The following SETBP1 variants were observed in gnomAD, a reference collection of about 807,000 sequenced individuals.
SETBP1 encodes SET-binding protein.
In SETBP1, 9 loss-of-function variants were observed where a neutral mutation model predicts 101.0. The observed-to-expected ratio is 0.09, with a 90% CI of 0.05 to 0.16. The LOEUF is 0.16. SETBP1 is among the 10% of genes least tolerant of loss of function. SETBP1 has a pLI of 1.00. For missense variants in SETBP1, 1,858 were observed against 2,033.8 expected, an observed-to-expected ratio of 0.91 and a Z score of 1.66; for synonymous variants, 818 against 788.5, an observed-to-expected ratio of 1.04 and a Z score of -0.63.
chr18:44,959,031 T>C (rs931439520), intron 4 of SETBP1, among the ~76,000 whole-genome samples: 1 of 152,212 alleles, frequency 6.6e-6, no homozygotes, highest in African/African-American at 2.4e-5. Flanking sequence ...CTTTGCTACA[T>C]TGAAATCAGA....
At chr18:44,988,682 C>T (rs2072291408) in intron 4 of SETBP1, 1 of 152,028 alleles carries the variant, frequency 6.6e-6, no homozygotes, top group Non-Finnish European at 1.5e-5. Context: ...AAATGTAATT[C>T]CCATGGAATC....
chr18:44,922,382 G>T (rs1213318766), intron 3 of SETBP1, among the ~76,000 whole-genome samples: 1 of 152,194 alleles, frequency 6.6e-6, no homozygotes. Flanking sequence ...ATTGCAAAAC[G>T]GATGGTCTTT....
chr18:44,966,216 C>T (rs1260358837), intron 4 of SETBP1, among the ~76,000 whole-genome samples: 4 of 152,064 alleles, frequency 2.6e-5, no homozygotes, highest in African/African-American at 9.7e-5. Flanking sequence ...GCTTAAAAGA[C>T]CCTCCATTAT....
intron 3 of SETBP1, chr18:44,876,834 G>A (rs549588328): frequency 2.1e-6 from 3 of 1,427,962 alleles, no homozygotes; most frequent in Middle Eastern, 2.1e-4. Context: ...GCCCAAGATT[G>A]TAAACTAGTG....
intron 2 of SETBP1, among the ~76,000 whole-genome samples, chr18:44,864,137 C>T (rs1291710963): frequency 6.6e-6 from 1 of 152,118 alleles, no homozygotes; most frequent in Non-Finnish European, 1.5e-5. Flanking sequence ...GTCACCTCCT[C>T]CCCTCCTGTG....
intron 3 of SETBP1, among the ~76,000 whole-genome samples, chr18:44,918,736 A>G (rs969208771): frequency 6.6e-6 from 1 of 152,252 alleles, no homozygotes; most frequent in African/African-American, 2.4e-5. Context: ...GAAGATGTAC[A>G]TAAAAACATT....
At chr18:44,918,906 C>A (rs541775151) in intron 3 of SETBP1, among the ~76,000 whole-genome samples, 2 of 152,186 alleles carry the variant, frequency 1.3e-5, no homozygotes, top group Non-Finnish European at 2.9e-5. Flanking sequence ...GAGCACTTTG[C>A]AGAGATATGT....
intron 2 of SETBP1, among the ~76,000 whole-genome samples, chr18:44,778,924 G>A (rs2071064138): frequency 1.7e-5 from 1 of 58,690 alleles, no homozygotes; most frequent in African/African-American, 5.1e-5. Flanking sequence ...CTGGGTCAGA[G>A]CCTTCGAGCT....
At chr18:45,027,487 A>G (rs1170795990) in intron 4 of SETBP1, among the ~76,000 whole-genome samples, 1 of 152,182 alleles carries the variant, frequency 6.6e-6, no homozygotes, top group East Asian at 1.9e-4. Flanking sequence ...ATTAACCAAA[A>G]ATATCCATTG....
intron 4 of SETBP1, among the ~76,000 whole-genome samples, chr18:45,032,187 A>G (rs933018879): frequency 6.6e-6 from 1 of 152,184 alleles, no homozygotes; most frequent in Non-Finnish European, 1.5e-5. Context: ...CTTAATAAAC[A>G]TTGAAATAAT....
Position 45,063,938 on chromosome 18 carries a change from C to T in SETBP1, c.*240C>T. On this transcript the variant is annotated 3_prime_UTR_variant, in exon 6 of 6. Coordinates refer to ENST00000649279, the MANE Select transcript of SETBP1 (RefSeq NM_015559.3). ...CTTCACCGCAGCTCCCACCACGCGG[C>T]GCTTCAGTACGGCTGGATCCTCCGC... 1 of 463,240 alleles carries T rather than the reference C, an allele frequency of 2.2e-6. No homozygotes were observed. The highest frequency in any genetic ancestry group is 3.9e-6 in the Non-Finnish European group (1 of 253,390). The allele number at this position is 463,240 out of a possible 1,614,324, so 28.7% of individuals were successfully genotyped here.
chr18:45,049,312 G>A (rs192060980), intron 5 of SETBP1, among the ~76,000 whole-genome samples: 120 of 152,262 alleles, frequency 7.9e-4, no homozygotes, highest in Middle Eastern at 3.4e-3. Context: ...GAGTCTGGAA[G>A]GGAAATTTGA....
intron 2 of SETBP1, among the ~76,000 whole-genome samples, chr18:44,868,416 C>A (rs1054513721): frequency 6.6e-6 from 1 of 151,654 alleles, no homozygotes; most frequent in South Asian, 2.1e-4. Flanking sequence ...AAAAAATGGT[C>A]GGGTGCAGTG....
At chr18:44,912,374 C>T (rs185560046) in intron 3 of SETBP1, among the ~76,000 whole-genome samples, 2 of 152,248 alleles carry the variant, frequency 1.3e-5, no homozygotes, top group East Asian at 3.9e-4. Context: ...TGTAGAGGAC[C>T]ATATATGTTG....
intron 1 of SETBP1, among the ~76,000 whole-genome samples, chr18:44,693,954 G>T: frequency 6.6e-6 from 1 of 152,182 alleles, no homozygotes. Context: ...AGTTCTGGGA[G>T]GAGTGGAAGA....
At chr18:44,831,258 T>C (rs2072359588) in intron 2 of SETBP1, among the ~76,000 whole-genome samples, 1 of 152,198 alleles carries the variant, frequency 6.6e-6, no homozygotes, top group Non-Finnish European at 1.5e-5. Context: ...TTAGACATAA[T>C]ACTTTCCCTA....
intron 1 of SETBP1, among the ~76,000 whole-genome samples, chr18:44,683,018 G>C (rs767567808): frequency 6.6e-6 from 1 of 152,160 alleles, no homozygotes; most frequent in African/African-American, 2.4e-5. Context: ...AGGTGGGGGA[G>C]GGGATGGCTT....
chr18:44,785,154 A>C (rs1480273283), intron 2 of SETBP1, among the ~76,000 whole-genome samples: 1 of 152,206 alleles, frequency 6.6e-6, no homozygotes, highest in Non-Finnish European at 1.5e-5. Flanking sequence ...ATAAATACAC[A>C]TCATGTACAC....
chr18:44,720,151 T>C (rs1024006578), intron 2 of SETBP1, among the ~76,000 whole-genome samples: 3 of 152,144 alleles, frequency 2.0e-5, no homozygotes, highest in African/African-American at 7.2e-5. Context: ...AGCCCTGGCT[T>C]AAGAAGCAAG....
Sources: gnomAD v4.1 joint callset for allele counts (sites outside exome capture counted in the v4.1 genomes callset) on GRCh38, gnomAD v4.1.1 for gene constraint, MANE v1.5 for transcripts, NCBI Gene and HGNC (gene_info 2026-07-23, HGNC 2026-07-21) for gene names.